The following FSD1L variants were observed in gnomAD, a reference collection of about 807,000 sequenced individuals.
The protein encoded by FSD1L is fibronectin type III and SPRY domain containing 1 like, also known as FSD1-like protein.
FSD1L carries 45 observed loss-of-function variants against 71.6 expected under a neutral mutation model. The ratio of observed to expected loss-of-function variants is 0.63; its 90% CI spans 0.49 to 0.81. FSD1L has a LOEUF of 0.81. FSD1L is among the 30% of genes least tolerant of loss of function. The pLI is 0.00. For missense variants in FSD1L, 561 were observed against 618.1 expected, an observed-to-expected ratio of 0.91 and a Z score of 0.98; for synonymous variants, 197 against 207.2, an observed-to-expected ratio of 0.95 and a Z score of 0.42.
chr9:105,498,584 A>C (rs4742649), intron 7 of FSD1L, among the ~76,000 whole-genome samples: 42,009 of 152,040 alleles, frequency 0.28, 6,040 homozygotes, highest in Non-Finnish European at 0.31. Flanking sequence ...ACTTTTGTAT[A>C]TGTGGTCTGT....
intron 7 of FSD1L, among the ~76,000 whole-genome samples, chr9:105,497,866 T>G (rs1009834847): frequency 6.6e-6 from 1 of 152,082 alleles, no homozygotes; most frequent in Non-Finnish European, 1.5e-5. Flanking sequence ...TTTTTAGAGA[T>G]AGAGTCTTGC....
At chr9:105,484,705 A>G (rs1564101644) in intron 7 of FSD1L, among the ~76,000 whole-genome samples, 1 of 152,008 alleles carries the variant, frequency 6.6e-6, no homozygotes. Flanking sequence ...TCAGAATCCT[A>G]TCAAGGGATC....
chr9:105,504,718 A>G (rs184684546), intron 7 of FSD1L, among the ~76,000 whole-genome samples: 3 of 152,340 alleles, frequency 2.0e-5, no homozygotes, highest in Admixed American at 2.0e-4. Context: ...TCTCTAGATT[A>G]CTTATAATAC....
intron 7 of FSD1L, among the ~76,000 whole-genome samples, chr9:105,498,495 A>T (rs1833563838): frequency 6.6e-6 from 1 of 151,340 alleles, no homozygotes; most frequent in Non-Finnish European, 1.5e-5. Context: ...TAACACAATG[A>T]TAATAATTTG....
intron 10 of FSD1L, among the ~76,000 whole-genome samples, chr9:105,517,875 A>G (rs1290284412): frequency 6.6e-6 from 1 of 152,254 alleles, no homozygotes; most frequent in Non-Finnish European, 1.5e-5. Context: ...CAAACTGGAT[A>G]AAGAGTCAAG....
chr9:105,524,013 C>G, intron 10 of FSD1L: 1 of 1,599,684 alleles, frequency 6.3e-7, no homozygotes, highest in Non-Finnish European at 8.6e-7. Flanking sequence ...ACTGCCTTCT[C>G]TTCATCCCAA....
At chr9:105,521,560 A>C in intron 10 of FSD1L, 1 of 1,613,710 alleles carries the variant, frequency 6.2e-7, no homozygotes, top group South Asian at 1.1e-5. Context: ...GTAAAAGTAT[A>C]TCAAGAATGG....
rs1020988595 is a variant in FSD1L, at chr9:105,549,883, A to G, written c.*3400A>G. 2.0e-5 allele frequency: 3 copies of G among 152,036 alleles called. No individual in the cohort carries two copies. The highest frequency in any genetic ancestry group is 2.9e-5 in the Non-Finnish European group (2 of 67,904). The allele number at this position is 152,036 out of a possible 1,614,324, so 9.4% of individuals were successfully genotyped here. A position where few individuals can be genotyped will look rare whatever the true frequency, so the allele number is the denominator to read the frequency against. ...TTCTTATGGAAACAATTGGAAAAGT[A>G]TATGGAAAATGATTATTTCAAAGAA... On this transcript the variant is annotated 3_prime_UTR_variant, in exon 14 of 14. Coordinates refer to ENST00000481272, the MANE Select transcript of FSD1L (RefSeq NM_001145313.3).
At chr9:105,485,422 A>G (rs1832472861) in intron 7 of FSD1L, among the ~76,000 whole-genome samples, 1 of 152,072 alleles carries the variant, frequency 6.6e-6, no homozygotes, top group African/African-American at 2.4e-5. Flanking sequence ...TAATGACCTA[A>G]TCACCTCTTA....
chr9:105,532,975 A>C (rs1835992811), intron 10 of FSD1L, among the ~76,000 whole-genome samples: 1 of 152,186 alleles, frequency 6.6e-6, no homozygotes, highest in Admixed American at 6.5e-5. Flanking sequence ...AATGACTTTA[A>C]GTTTTATCTG....
At chr9:105,481,867 G>A (rs770393023) in intron 6 of FSD1L, among the ~76,000 whole-genome samples, 23 of 151,680 alleles carry the variant, frequency 1.5e-4, no homozygotes, top group Non-Finnish European at 3.1e-4. Flanking sequence ...GGACCTCCCT[G>A]GCTTAAGGGG....
chr9:105,506,262 T>G (rs756063444), intron 7 of FSD1L, 137 bp from the exon 8 acceptor site: 56 of 642,630 alleles, frequency 8.7e-5, no homozygotes, highest in Non-Finnish European at 1.3e-4. Context: ...TTCCTTTTGC[T>G]TAATCTGATC....
At chr9:105,445,579 C>T (rs1829624264), upstream of FSD1L, among the ~76,000 whole-genome samples, 1 of 152,138 alleles carries the variant, frequency 6.6e-6, no homozygotes, top group Admixed American at 6.5e-5. Flanking sequence ...GAAGTGGGGA[C>T]ATCGCCAAGC....
chr9:105,475,204 A>C (rs1361742486), intron 5 of FSD1L, among the ~76,000 whole-genome samples: 1 of 152,128 alleles, frequency 6.6e-6, no homozygotes, highest in East Asian at 1.9e-4. Flanking sequence ...AGTGTAACTA[A>C]ATTGCCATCA....
rs1047755024 is a variant in FSD1L, at chr9:105,484,515, A to G, written c.586+13A>G. Reference sequence around the variant, plus strand: ...AAGTTTTTGCCAGGTAAATACATGTATTACATGTAAAGTTTTGTATAAAAC... The same window carrying G: ...AAGTTTTTGCCAGGTAAATACATGTGTTACATGTAAAGTTTTGTATAAAAC... On this transcript the variant is annotated intron_variant, in intron 7 of 13. Coordinates refer to ENST00000481272, the MANE Select transcript of FSD1L (RefSeq NM_001145313.3). The G allele has an allele frequency of 5.4e-6, 8 of 1,468,216 alleles. No individual in the cohort carries two copies. In the Middle Eastern group the frequency reaches 5.3e-4, roughly 97 times the overall value. 90.9% of individuals were successfully genotyped at this position (1,468,216 alleles called of 1,614,324 possible). A position where few individuals can be genotyped will look rare whatever the true frequency, so the allele number is the denominator to read the frequency against.
intron 6 of FSD1L, among the ~76,000 whole-genome samples, chr9:105,482,238 A>G (rs1010932791): frequency 1.3e-5 from 2 of 152,194 alleles, no homozygotes; most frequent in African/African-American, 4.8e-5. Flanking sequence ...TAAGAGAGAA[A>G]ACTCAAGATA....
At chr9:105,448,796 GAA>G (rs1248609095) in intron 1 of FSD1L, among the ~76,000 whole-genome samples, 5 of 152,318 alleles carry the variant, frequency 3.3e-5, no homozygotes, top group African/African-American at 9.6e-5. Flanking sequence ...TGAATGGAGG[GAA>G]AAGACTTCAA....
chr9:105,447,439 A>C (rs538707442), upstream of FSD1L, among the ~76,000 whole-genome samples: 10 of 151,202 alleles, frequency 6.6e-5, no homozygotes, highest in Non-Finnish European at 1.5e-4. Flanking sequence ...TATTTCTCTC[A>C]TTTTACAGAT....
chr9:105,476,736 A>G (rs1011353532), intron 5 of FSD1L, among the ~76,000 whole-genome samples: 14 of 152,198 alleles, frequency 9.2e-5, no homozygotes, highest in Non-Finnish European at 1.3e-4. Context: ...AGTATTGTGT[A>G]TCTTTTGGAT....
Sources: gnomAD v4.1 joint callset for allele counts (sites outside exome capture counted in the v4.1 genomes callset) on GRCh38, gnomAD v4.1.1 for gene constraint, MANE v1.5 for transcripts, NCBI Gene and HGNC (gene_info 2026-07-23, HGNC 2026-07-21) for gene names.